Variants in SLC2A1 observed in about 807,000 individuals in gnomAD.
The protein encoded by SLC2A1 is solute carrier family 2, facilitated glucose transporter member 1.
A neutral mutation model predicts 46.6 loss-of-function variants in SLC2A1; 4 were observed. That is an observed-to-expected ratio of 0.09 (90% CI 0.04 to 0.20). SLC2A1 has a LOEUF of 0.20. SLC2A1 is among the 10% of genes least tolerant of loss of function. The pLI is 1.00. For missense variants in SLC2A1, 352 were observed against 667.0 expected (o/e 0.53, Z 5.20); for synonymous variants, 253 against 270.0 (o/e 0.94, Z 0.62).
rs200398606 is a variant in SLC2A1, at chr1:42,929,557, G to A, written c.867+36C>T. 6.3e-7 allele frequency: 1 copy of A among 1,585,800 alleles called. No individual in the cohort carries two copies. The highest frequency in any genetic ancestry group is 8.6e-7 in the Non-Finnish European group (1 of 1,157,248). ...CCATGCACACTTGACCAGAGGGCTT[G>A]GCTGGGGCACAGGAAGGGTGGGTGG... On this transcript the variant is annotated intron_variant, in intron 6 of 9. Coordinates refer to ENST00000426263, the MANE Select transcript of SLC2A1 (RefSeq NM_006516.4). This position sits in a 1 kb window ranked among gnomAD's most constrained non-coding sequence, Gnocchi z 6.0.
At chr1:42,956,818 A>G (rs1238922103) in intron 1 of SLC2A1, among the ~76,000 whole-genome samples, 2 of 152,210 alleles carry the variant, frequency 1.3e-5, no homozygotes, top group African/African-American at 4.8e-5. Flanking sequence ...GTGAAGAGAG[A>G]CAGTGGAGAC....
At chr1:42,958,263 G>T (rs1193259327) in intron 1 of SLC2A1, among the ~76,000 whole-genome samples, 2 of 151,338 alleles carry the variant, frequency 1.3e-5, no homozygotes, top group African/African-American at 4.8e-5. Flanking sequence ...CCCGCACCGG[G>T]AGGGGCCGAG....
Position 42,929,646 on chromosome 1 carries a change from T to C in SLC2A1, c.814A>G (p.Ile272Val). 6.2e-7 allele frequency: 1 copy of C among 1,613,804 alleles called. No homozygotes were observed. Among genetic ancestry groups the C allele is most frequent in the Non-Finnish European group, 8.5e-7 (1 of 1,179,974 alleles). ...LFRSPAYRQP[I>V]LIAVVLQLSQ... ...AGCTGCAGCACCACAGCGATGAGGA[T>C]GGGCTGGCGGTAGGCGGGGGAGCGG... The change falls in exon 6 of 10, where the codon ATC (isoleucine) becomes GTC (valine). Residue 272 changes from isoleucine (I) to valine (V), a missense_variant. Coordinates refer to ENST00000426263, the MANE Select transcript of SLC2A1 (RefSeq NM_006516.4). This position sits in a 1 kb window ranked among gnomAD's most constrained non-coding sequence, Gnocchi z 6.0.
intron 2 of SLC2A1, among the ~76,000 whole-genome samples, chr1:42,937,861 G>A (rs1453747042): frequency 6.6e-6 from 1 of 152,156 alleles, no homozygotes; most frequent in Non-Finnish European, 1.5e-5. Flanking sequence ...CAGCCTGACG[G>A]GACACAGGGC....
intron 2 of SLC2A1, among the ~76,000 whole-genome samples, chr1:42,931,845 AAG>A (rs1643493868): frequency 1.3e-5 from 2 of 150,874 alleles, no homozygotes; most frequent in African/African-American, 2.4e-5. Context: ...AAAAAAAAAA[AAG>A]AGAAATACAG....
rs113547677 is a variant in SLC2A1 at position 42,954,218 on chromosome 1, T to C, written c.18+4416A>G. Among the ~76,000 whole-genome samples, 1 of 146,168 alleles carries C rather than the reference T, an allele frequency of 6.8e-6. No homozygotes were observed. Among genetic ancestry groups the C allele is most frequent in the Non-Finnish European group, 1.5e-5 (1 of 65,266 alleles). On this transcript the variant is annotated intron_variant, in intron 1 of 9. Transcript: ENST00000426263. The surrounding 1 kb of genome is among the most constrained non-coding windows in gnomAD (Gnocchi z 4.2). ...AGGCATGTGGAGAAGAAAGCATCTT[T>C]AAAAAAAAAACACAGCTAGGCCAGG... is the stretch of plus-strand genomic sequence containing the variant.
intron 2 of SLC2A1, chr1:42,942,967 G>C (rs1309893462): frequency 1.1e-5 from 6 of 561,388 alleles, no homozygotes; most frequent in Non-Finnish European, 1.6e-5. Flanking sequence ...ACTGAGTTGG[G>C]TGGGGGGTTG....
At chr1:42,952,081 T>G in intron 1 of SLC2A1, 1 of 441,316 alleles carries the variant, frequency 2.3e-6, no homozygotes. Flanking sequence ...AAGGATGGGG[T>G]CAACAGATGA....
In SLC2A1 at chr1:42,929,900, G is replaced by T; in HGVS notation, c.652C>A (p.Arg218Ser). ...CTCTTGGCCCGGTTCTCCTCGTTGCGGTTGATGAGCAGGAAGCGGGGACTC... is the reference window on the plus strand; with the variant it reads ...CTCTTGGCCCGGTTCTCCTCGTTGCTGTTGATGAGCAGGAAGCGGGGACTC... ...PESPRFLLIN[R>S]NEENRAKSVL... is the part of the protein sequence containing the mutation. The change falls in exon 5 of 10, where the codon CGC becomes AGC. Residue 218 changes from arginine (R) to serine (S), a missense_variant. Arg to Ser is a moderately radical substitution (Grantham distance 110, BLOSUM62 -1). This residue lies in a region of SLC2A1 where 167 missense variants were observed against 280.8 expected (regional missense o/e 0.59). Transcript: ENST00000426263. The surrounding 1 kb of genome is among the most constrained non-coding windows in gnomAD (Gnocchi z 6.0). 6.2e-7 allele frequency: 1 copy of T among 1,614,200 alleles called. No individual in the cohort carries two copies.
At chr1:42,932,759 T>A (rs1414000379) in intron 2 of SLC2A1, among the ~76,000 whole-genome samples, 1 of 152,168 alleles carries the variant, frequency 6.6e-6, no homozygotes, top group East Asian at 1.9e-4. Flanking sequence ...CCTATTCAAA[T>A]ATGCTGGGCC....
chr1:42,956,667 G>A (rs916623436), intron 1 of SLC2A1, among the ~76,000 whole-genome samples: 3 of 152,144 alleles, frequency 2.0e-5, no homozygotes, highest in Admixed American at 1.3e-4. Context: ...AATTACTGAC[G>A]AGGTAGACAG....
At chr1:42,938,520 C>T (rs567771719) in intron 2 of SLC2A1, among the ~76,000 whole-genome samples, 2 of 152,302 alleles carry the variant, frequency 1.3e-5, no homozygotes, top group African/African-American at 4.8e-5. Context: ...GGAGGAAGCC[C>T]TTTGGGGCCT....
rs76595462 is a variant in SLC2A1, at chr1:42,950,147, T to C, written c.19-6826A>G. Among the ~76,000 whole-genome samples, 425 of 152,348 alleles carry C rather than the reference T, an allele frequency of 2.8e-3. 2 individuals are homozygous for C. Among genetic ancestry groups the C allele is most frequent in the African/African-American group, 9.9e-3 (411 of 41,584 alleles). ...AGAAAAAAAAGACAATGACTAATAT[T>C]TTGTGATATGTAAGAATTATATTAA... On this transcript the variant is annotated intron_variant, in intron 1 of 9. Coordinates refer to ENST00000426263, the MANE Select transcript of SLC2A1 (RefSeq NM_006516.4).
At chr1:42,943,351 G>A (rs773384247) in intron 1 of SLC2A1, 30 bp from the exon 2 acceptor site, 1 of 1,539,338 alleles carries the variant, frequency 6.5e-7, no homozygotes, top group South Asian at 1.1e-5. Context: ...ACTGTTATAG[G>A]CGTGTCTGGG....
At chr1:42,948,808 G>A (rs560581961) in intron 1 of SLC2A1, among the ~76,000 whole-genome samples, 5 of 152,152 alleles carry the variant, frequency 3.3e-5, no homozygotes, top group African/African-American at 1.2e-4. Context: ...GCTCACCCCT[G>A]TAATCCCAGC....
chr1:42,948,566 T>A (rs1269671160), intron 1 of SLC2A1, among the ~76,000 whole-genome samples: 1 of 152,160 alleles, frequency 6.6e-6, no homozygotes, highest in African/African-American at 2.4e-5. Flanking sequence ...CCTGAATCCA[T>A]GACAGCTCCC....
intron 1 of SLC2A1, 63 bp downstream of exon 1, chr1:42,958,571 G>T: frequency 1.4e-6 from 2 of 1,418,964 alleles, no homozygotes; most frequent in Non-Finnish European, 1.9e-6. Context: ...CCTGGCCGGC[G>T]TAAGGCGGGC....
At chr1:42,953,431 G>A (rs1173370076) in intron 1 of SLC2A1, among the ~76,000 whole-genome samples, 3 of 152,252 alleles carry the variant, frequency 2.0e-5, no homozygotes, top group Non-Finnish European at 4.4e-5. Flanking sequence ...GGGTAGCCAG[G>A]GCTGGGCCTG....
At position 42,927,323 on chromosome 1, in the gene SLC2A1, T is replaced by C; in HGVS notation, c.1279-82A>G. On this transcript the variant is annotated intron_variant, in intron 9 of 9. Coordinates refer to ENST00000426263, the MANE Select transcript of SLC2A1 (RefSeq NM_006516.4). This position sits in a 1 kb window ranked among gnomAD's most constrained non-coding sequence, Gnocchi z 5.3. ...GACTTTGGATAAGTCACTTTACCTT[T>C]GGGCCTTTGAGCTGAAAAGGGAACA... The C allele has an allele frequency of 5.2e-6, 7 of 1,351,700 alleles. No homozygotes were observed. The highest frequency in any genetic ancestry group is 7.4e-6 in the Non-Finnish European group (7 of 950,964). The allele number at this position is 1,351,700 out of a possible 1,614,324, so 83.7% of individuals were successfully genotyped here. A position where few individuals can be genotyped will look rare whatever the true frequency, so the allele number is the denominator to read the frequency against.
Sources: gnomAD v4.1 joint callset for allele counts (sites outside exome capture counted in the v4.1 genomes callset) on GRCh38, gnomAD v4.1.1 for gene constraint, gnomAD v4.1.1 regional missense constraint, Gnocchi (gnomAD v3.1) non-coding constraint, MANE v1.5 for transcripts, NCBI Gene and HGNC (gene_info 2026-07-23, HGNC 2026-07-21) for gene names.